The following RBM47 variants were observed in gnomAD, a reference collection of about 807,000 sequenced individuals.
RBM47 encodes the protein RNA-binding protein 47.
In RBM47, 21 loss-of-function variants were observed where a neutral mutation model predicts 47.1. The observed-to-expected ratio is 0.45, with a 90% CI of 0.32 to 0.64. The LOEUF (loss-of-function observed/expected upper bound fraction) is 0.64. Among genes scored for constraint, RBM47 ranks in the 30% least tolerant of loss-of-function variants. The pLI is 0.05. For synonymous variants in RBM47, 375 were observed against 361.7 expected (o/e 1.04, Z -0.42); for missense variants, 708 against 870.9 (o/e 0.81, Z 2.35).
At chr4:40,582,220 T>C (rs1162665132) in intron 1 of RBM47, among the ~76,000 whole-genome samples, 1 of 152,186 alleles carries the variant, frequency 6.6e-6, no homozygotes, top group Non-Finnish European at 1.5e-5. Flanking sequence ...TAGTCCTTGT[T>C]GCCAAACTAA....
chr4:40,428,192 TCAAAC>T (rs998548622), intron 6 of RBM47, among the ~76,000 whole-genome samples: 1 of 127,964 alleles, frequency 7.8e-6, no homozygotes, highest in African/African-American at 2.9e-5. Flanking sequence ...AGACCTTGTC[TCAAAC>T]AAAACAAAAC....
chr4:40,502,857 C>T (rs1460120147), intron 2 of RBM47, among the ~76,000 whole-genome samples: 5 of 151,726 alleles, frequency 3.3e-5, no homozygotes, highest in East Asian at 2.0e-4. Flanking sequence ...AAAAAAAAGA[C>T]GGCTGGGCGT....
intron 1 of RBM47, among the ~76,000 whole-genome samples, chr4:40,566,347 C>G (rs969297808): frequency 6.6e-6 from 1 of 151,998 alleles, no homozygotes; most frequent in Non-Finnish European, 1.5e-5. Context: ...AGGCCAACAT[C>G]GTTAAGAGTT....
chr4:40,541,853 G>A (rs1281531197), intron 2 of RBM47, among the ~76,000 whole-genome samples: 1 of 152,226 alleles, frequency 6.6e-6, no homozygotes, highest in Non-Finnish European at 1.5e-5. Context: ...TCAAGTAGCT[G>A]CCTCTGTTCA....
chr4:40,452,579 G>A (rs559641454), intron 3 of RBM47, among the ~76,000 whole-genome samples: 4 of 152,286 alleles, frequency 2.6e-5, no homozygotes, highest in South Asian at 4.1e-4. Flanking sequence ...TTAAAAGCAC[G>A]AGATAAACCT....
At chr4:40,544,073 C>A (rs144616724) in intron 2 of RBM47, 1 of 152,138 alleles carries the variant, frequency 6.6e-6, no homozygotes. Context: ...GTGTGAAGGG[C>A]GGGGGATGCA....
chr4:40,527,436 ATTTTTTTTTTT>A (rs60524903), intron 2 of RBM47, among the ~76,000 whole-genome samples: 3 of 104,706 alleles, frequency 2.9e-5, no homozygotes, highest in East Asian at 2.7e-4. Flanking sequence ...ACACCTGGCA[ATTTTTTTTTTT>A]TTTTTTTTTT....
chr4:40,621,292 C>A (rs1737243451), intron 1 of RBM47, among the ~76,000 whole-genome samples: 1 of 152,156 alleles, frequency 6.6e-6, no homozygotes, highest in South Asian at 2.1e-4. Flanking sequence ...GGGAACTGTG[C>A]CTCCAAAGGC....
intron 3 of RBM47, among the ~76,000 whole-genome samples, chr4:40,449,685 CCTTTA>C (rs1715106172): frequency 6.6e-6 from 1 of 152,050 alleles, no homozygotes; most frequent in South Asian, 2.1e-4. Flanking sequence ...TATCTTGTTC[CCTTTA>C]TTTATTTAGA....
At chr4:40,568,984 A>T (rs1259230097) in intron 1 of RBM47, among the ~76,000 whole-genome samples, 1 of 145,182 alleles carries the variant, frequency 6.9e-6, no homozygotes, top group African/African-American at 2.7e-5. Context: ...TCTGTCTCAA[A>T]AGATAGATAG....
rs146069332 is a variant in RBM47 at position 40,555,407 on chromosome 4, G to A, written c.-239-10901C>T. The stretch of plus-strand genomic sequence containing the variant: ...TCTAATGAGACTCTCTACAGCCTTC[G>A]TTTCTTGCAGCATGTCTGAGTGTCC... On this transcript the variant is annotated intron_variant, in intron 1 of 6. Coordinates refer to ENST00000295971, the MANE Select transcript of RBM47 (RefSeq NM_001098634.2). Among the ~76,000 whole-genome samples the A allele has an allele frequency of 3.3e-3, 501 of 152,274 alleles. 5 individuals are homozygous for A. The highest frequency in any genetic ancestry group is 0.012 in the African/African-American group (484 of 41,534).
At chr4:40,426,276 G>A (rs2154207879) in intron 6 of RBM47, 133 bp from the exon 7 acceptor site, 4 of 1,165,474 alleles carry the variant, frequency 3.4e-6, no homozygotes, top group Non-Finnish European at 4.7e-6. Context: ...AGAGGGGCGG[G>A]CAAACAGCAA....
Position 40,483,593 on chromosome 4 carries a change from A to G in RBM47, c.-154-16894T>C, listed in dbSNP as rs143892315. 3.0e-3 allele frequency among the ~76,000 whole-genome samples: 456 copies of G among 152,288 alleles called. 2 individuals carry two copies. The highest frequency in any genetic ancestry group is 0.01 in the African/African-American group (428 of 41,578). ...CGCCGGTAATCCCAGCTACTCGGGAAGCTGAGACAGGAGAATTGCTTGAAC... is the reference window on the plus strand; with the variant it reads ...CGCCGGTAATCCCAGCTACTCGGGAGGCTGAGACAGGAGAATTGCTTGAAC... On this transcript the variant is annotated intron_variant, in intron 2 of 6. Coordinates refer to ENST00000295971, the MANE Select transcript of RBM47 (RefSeq NM_001098634.2).
intron 1 of RBM47, among the ~76,000 whole-genome samples, chr4:40,624,561 T>C (rs1034991328): frequency 2.6e-5 from 4 of 152,214 alleles, no homozygotes; most frequent in Admixed American, 1.3e-4. Context: ...AGTAAGATCA[T>C]CCTCATGGAG....
intron 2 of RBM47, among the ~76,000 whole-genome samples, chr4:40,474,990 C>A (rs1719404031): frequency 6.6e-6 from 1 of 152,138 alleles, no homozygotes; most frequent in African/African-American, 2.4e-5. Flanking sequence ...AAAGATTCTA[C>A]TTCTCTGGTC....
intron 1 of RBM47, among the ~76,000 whole-genome samples, chr4:40,605,281 T>A (rs1204594553): frequency 6.6e-6 from 1 of 151,754 alleles, no homozygotes; most frequent in Non-Finnish European, 1.5e-5. Flanking sequence ...CGCCTTGGCC[T>A]CCCAAAGTGC....
rs1718081590 is a variant in RBM47 at position 40,466,713 on chromosome 4, A to G, written c.-154-14T>C. The G allele has an allele frequency of 6.8e-6, 1 of 146,534 alleles. No individual in the cohort carries two copies. The highest frequency in any genetic ancestry group is 1.5e-5 in the Non-Finnish European group (1 of 67,088). The allele number at this position is 146,534 out of a possible 1,614,324, so 9.1% of individuals were successfully genotyped here. ...TTGAGGCAAATCCTAAGGGTTAAAA[A>G]AGAAATGGTTAGAAATATTTTCTAT... is the stretch of plus-strand genomic sequence containing the variant. On this transcript the variant is annotated splice_polypyrimidine_tract_variant and intron_variant, in intron 2 of 6. Transcript: ENST00000295971.
intron 1 of RBM47, among the ~76,000 whole-genome samples, chr4:40,578,128 C>T (rs1214721195): frequency 6.6e-6 from 1 of 152,146 alleles, no homozygotes; most frequent in African/African-American, 2.4e-5. Flanking sequence ...GTTGTCTGAC[C>T]TTCTCAGTAA....
chr4:40,618,805 T>G (rs1408817474), intron 1 of RBM47, among the ~76,000 whole-genome samples: 14 of 75,064 alleles, frequency 1.9e-4, no homozygotes, highest in Non-Finnish European at 4.6e-5. Flanking sequence ...CGAGACTCCA[T>G]CTCAAAAAAA....
Sources: gnomAD v4.1 joint callset for allele counts (sites outside exome capture counted in the v4.1 genomes callset) on GRCh38, gnomAD v4.1.1 for gene constraint, MANE v1.5 for transcripts, NCBI Gene and HGNC (gene_info 2026-07-23, HGNC 2026-07-21) for gene names.